Variants in RBM33 observed in about 807,000 individuals in gnomAD.
The protein encoded by RBM33 is RNA-binding protein 33.
RBM33 carries 28 observed loss-of-function variants against 132.6 expected under a neutral mutation model. The ratio of observed to expected loss-of-function variants is 0.21; its 90% CI spans 0.16 to 0.29. The LOEUF (loss-of-function observed/expected upper bound fraction) is 0.29. Ranked by LOEUF, RBM33 falls within the 10% of genes least tolerant of loss-of-function variation. The pLI is 1.00. For synonymous variants in RBM33, 634 were observed against 593.0 expected (o/e 1.07, Z -1.01); for missense variants, 1,291 against 1,518.5 (o/e 0.85, Z 2.49).
chr7:155,653,227 A>G (rs907632074), intron 1 of RBM33, among the ~76,000 whole-genome samples: 2 of 152,148 alleles, frequency 1.3e-5, no homozygotes, highest in African/African-American at 4.8e-5. Flanking sequence ...CAGAAATGGA[A>G]TTGCCACGCC....
Position 155,644,872 on chromosome 7 carries a change from G to A in RBM33, c.-5G>A. 6.7e-7 allele frequency: 1 copy of A among 1,492,514 alleles called. No homozygotes were observed. Among genetic ancestry groups the A allele is most frequent in the Admixed American group, 2.2e-5 (1 of 46,350 alleles). The allele number at this position is 1,492,514 out of a possible 1,614,324, so 92.5% of individuals were successfully genotyped here. ...GGAGGCTGAAGGCCGGGCCCCGCGA[G>A]TGCCATGGCGGCCGCCCTGGGAGCG... On this transcript the variant is annotated 5_prime_UTR_variant, in exon 1 of 18. In the 5' UTR this introduces an upstream ATG that the reference lacks. Transcript: ENST00000401878.
chr7:155,756,391 T>A (rs1369820530), intron 14 of RBM33, among the ~76,000 whole-genome samples: 1 of 152,240 alleles, frequency 6.6e-6, no homozygotes, highest in African/African-American at 2.4e-5. Flanking sequence ...TATAAAAATA[T>A]GTAATCAATT....
intron 9 of RBM33, among the ~76,000 whole-genome samples, chr7:155,737,245 CGTGTGTGTGT>C (rs1554481863): frequency 6.7e-6 from 1 of 149,154 alleles, no homozygotes; most frequent in Non-Finnish European, 1.5e-5. Context: ...TCTAGGTGCG[CGTGTGTGTGT>C]GTGTGTGTGT....
chr7:155,754,170 T>C (rs917707617), intron 14 of RBM33, among the ~76,000 whole-genome samples: 3 of 152,226 alleles, frequency 2.0e-5, no homozygotes, highest in Non-Finnish European at 2.9e-5. Flanking sequence ...ATGATTTTTT[T>C]AGGGGTATGA....
chr7:155,697,964 A>G (rs1799844879), intron 5 of RBM33, among the ~76,000 whole-genome samples: 1 of 152,228 alleles, frequency 6.6e-6, no homozygotes, highest in African/African-American at 2.4e-5. Flanking sequence ...ATGCACATTT[A>G]AATGTTTACA....
chr7:155,659,618 T>C (rs960672415), intron 1 of RBM33, among the ~76,000 whole-genome samples: 2 of 152,140 alleles, frequency 1.3e-5, no homozygotes, highest in Non-Finnish European at 2.9e-5. Context: ...AGTGTACTTA[T>C]ATACACATAG....
At chr7:155,726,517 A>G (rs6944698) in intron 9 of RBM33, among the ~76,000 whole-genome samples, 42,372 of 152,078 alleles carry the variant, frequency 0.28, 6,955 homozygotes, top group African/African-American at 0.46. Flanking sequence ...TTTTTAAAAG[A>G]ATATAAAGAA....
chr7:155,669,507 C>T (rs369475422), intron 2 of RBM33, among the ~76,000 whole-genome samples: 16 of 152,276 alleles, frequency 1.1e-4, no homozygotes, highest in African/African-American at 2.9e-4. Flanking sequence ...CATGTGCCAC[C>T]GTGCCTGGCT....
intron 5 of RBM33, among the ~76,000 whole-genome samples, chr7:155,689,372 TATTA>T (rs910082268): frequency 2.1e-4 from 32 of 152,344 alleles, no homozygotes; most frequent in African/African-American, 7.2e-4. Flanking sequence ...TTTTCTTCTT[TATTA>T]GTGTTGCTAG....
In RBM33 at chr7:155,774,949, C is replaced by T. The variant is rs746532069; in HGVS notation, c.3465-44C>T. 8.2e-6 allele frequency: 13 copies of T among 1,590,008 alleles called. No homozygotes were observed. Among genetic ancestry groups the T allele is most frequent in the East Asian group, 2.2e-5 (1 of 44,738 alleles). On this transcript the variant is annotated intron_variant, in intron 17 of 17. Coordinates refer to ENST00000401878, the MANE Select transcript of RBM33 (RefSeq NM_053043.3). The surrounding 1 kb of genome is among the most constrained non-coding windows in gnomAD (Gnocchi z 4.2). ...CCTCCCACCTTGGTAGGTTGATTGC[C>T]GATGTGCAGGGTTAGTGTCGATCGT...
chr7:155,743,507 G>A (rs989801221), intron 13 of RBM33, among the ~76,000 whole-genome samples: 1 of 152,208 alleles, frequency 6.6e-6, no homozygotes, highest in African/African-American at 2.4e-5. Flanking sequence ...AATGGAACCT[G>A]TAGGTCACCG....
chr7:155,699,097 C>T (rs935943170), intron 5 of RBM33, among the ~76,000 whole-genome samples: 11 of 152,254 alleles, frequency 7.2e-5, no homozygotes, highest in African/African-American at 2.2e-4. Flanking sequence ...TATTAATTTC[C>T]GTGCTGTCTT....
chr7:155,688,920 A>G (rs1172602498), intron 5 of RBM33, among the ~76,000 whole-genome samples: 1 of 152,176 alleles, frequency 6.6e-6, no homozygotes, highest in Admixed American at 6.5e-5. Context: ...CATCAGGGAT[A>G]TTGGTCTAAA....
chr7:155,663,772 C>T (rs1798721313), intron 1 of RBM33, among the ~76,000 whole-genome samples: 2 of 152,100 alleles, frequency 1.3e-5, no homozygotes, highest in Admixed American at 1.3e-4. Context: ...GCCCTACCTA[C>T]CCCAACCACC....
In RBM33 at chr7:155,767,811, A is replaced by G. The variant is rs140434206; in HGVS notation, c.3375+1156A>G. Among the ~76,000 whole-genome samples the G allele has an allele frequency of 3.3e-5, 5 of 152,366 alleles. No homozygotes were observed. In the South Asian group the frequency reaches 8.3e-4, roughly 25 times the overall value. ...AGAAGCGTACAGTGTATGTTTAAGG[A>G]TATTTCAAAACAATTGATCATAATC... On this transcript the variant is annotated intron_variant, in intron 16 of 17. Transcript: ENST00000401878.
At chr7:155,672,777 T>C (rs1394922287) in intron 2 of RBM33, 90 bp from the exon 3 acceptor site, 12 of 810,624 alleles carry the variant, frequency 1.5e-5, no homozygotes, top group Non-Finnish European at 2.3e-5. Context: ...GTACCTGAGC[T>C]GTAGAGTTCT....
chr7:155,722,854 G>A (rs1800668058), intron 9 of RBM33, among the ~76,000 whole-genome samples: 1 of 152,236 alleles, frequency 6.6e-6, no homozygotes, highest in Admixed American at 6.5e-5. Context: ...AAACTATTCA[G>A]TCCTTTGATT....
intron 2 of RBM33, among the ~76,000 whole-genome samples, chr7:155,665,901 C>CT (rs1311974205): frequency 1.3e-5 from 2 of 152,132 alleles, no homozygotes; most frequent in African/African-American, 4.8e-5. Context: ...TTCTTTATAA[C>CT]TTTTTTAACA....
intron 9 of RBM33, among the ~76,000 whole-genome samples, chr7:155,726,674 A>G (rs1202318650): frequency 6.6e-6 from 1 of 152,218 alleles, no homozygotes; most frequent in Non-Finnish European, 1.5e-5. Context: ...GGAATTGGTA[A>G]TGTAGTACCC....
Sources: gnomAD v4.1 joint callset for allele counts (sites outside exome capture counted in the v4.1 genomes callset) on GRCh38, gnomAD v4.1.1 for gene constraint, Gnocchi (gnomAD v3.1) non-coding constraint, MANE v1.5 for transcripts, NCBI Gene and HGNC (gene_info 2026-07-23, HGNC 2026-07-21) for gene names.